The following FBXO11 variants were observed in gnomAD, a reference collection of about 807,000 sequenced individuals.
The protein encoded by FBXO11 is F-box only protein 11.
FBXO11 carries 13 observed loss-of-function variants against 117.0 expected under a neutral mutation model. That is an observed-to-expected ratio of 0.11 (90% confidence interval 0.07 to 0.18). The LOEUF (loss-of-function observed/expected upper bound fraction) is 0.18. Ranked by LOEUF, FBXO11 falls within the 10% of genes least tolerant of loss-of-function variation. FBXO11 has a pLI of 1.00. For synonymous variants in FBXO11, 490 were observed against 380.5 expected, an observed-to-expected ratio of 1.29 and a Z score of -3.35; for missense variants, 767 against 1,164.4, an observed-to-expected ratio of 0.66 and a Z score of 4.97.
At chr2:47,810,992 T>C (rs1670572153) in intron 18 of FBXO11, 1 of 152,246 alleles carries the variant, frequency 6.6e-6, no homozygotes, top group Non-Finnish European at 1.5e-5. Flanking sequence ...TCCAACCTAC[T>C]TGTTTGTCTT....
chr2:47,830,167 T>C (rs1290603797), intron 11 of FBXO11, among the ~76,000 whole-genome samples: 2 of 151,846 alleles, frequency 1.3e-5, no homozygotes, highest in South Asian at 2.1e-4. Context: ...AGCCAAAATA[T>C]GGATACTGAG....
Position 47,848,565 on chromosome 2 carries a change from A to G in FBXO11, c.233-8796T>C, listed in dbSNP as rs529343257. 4.6e-5 allele frequency among the ~76,000 whole-genome samples: 7 copies of G among 152,338 alleles called. No homozygotes were observed. In the East Asian group the frequency reaches 1.3e-3, roughly 29 times the overall value. ...GATAAAAAGTTAATACGCAATTTAA[A>G]AGTATGCTATTTGCACACACATATA... On this transcript the variant is annotated intron_variant, in intron 1 of 22. Transcript: ENST00000403359.
intron 1 of FBXO11, among the ~76,000 whole-genome samples, chr2:47,858,125 A>G (rs939437832): frequency 1.3e-5 from 2 of 151,664 alleles, no homozygotes; most frequent in Non-Finnish European, 2.9e-5. Flanking sequence ...TATTTTTTTG[A>G]GGCGGAGCCT....
intron 16 of FBXO11, among the ~76,000 whole-genome samples, chr2:47,816,687 C>A (rs1572771876): frequency 6.6e-6 from 1 of 152,286 alleles, no homozygotes; most frequent in African/African-American, 2.4e-5. Flanking sequence ...GGCGTGAAAA[C>A]AACAATCTCC....
chr2:47,868,844 C>G (rs899430325), intron 1 of FBXO11, among the ~76,000 whole-genome samples: 1 of 152,194 alleles, frequency 6.6e-6, no homozygotes, highest in African/African-American at 2.4e-5. Flanking sequence ...GTGGATTACA[C>G]TGGACCATTT....
At chr2:47,844,211 C>G (rs1673230378) in intron 1 of FBXO11, among the ~76,000 whole-genome samples, 1 of 152,148 alleles carries the variant, frequency 6.6e-6, no homozygotes, top group South Asian at 2.1e-4. Context: ...TCACACTGAT[C>G]TATTACCTCA....
intron 1 of FBXO11, among the ~76,000 whole-genome samples, chr2:47,847,235 A>G (rs574843715): frequency 6.6e-6 from 1 of 152,188 alleles, no homozygotes; most frequent in African/African-American, 2.4e-5. Context: ...ACAGAGTGAG[A>G]CTCTGTCTCA....
chr2:47,829,381 G>A (rs1034214926), intron 11 of FBXO11, among the ~76,000 whole-genome samples: 1 of 151,838 alleles, frequency 6.6e-6, no homozygotes, highest in Non-Finnish European at 1.5e-5. Flanking sequence ...GCTGGGACTT[G>A]AGGCGTGCAC....
intron 1 of FBXO11, among the ~76,000 whole-genome samples, chr2:47,896,331 T>C (rs1677661872): frequency 1.0e-5 from 1 of 96,654 alleles, no homozygotes; most frequent in Non-Finnish European, 2.7e-5. Context: ...GTTTCTTTTC[T>C]TTTTTTTTTT....
At chr2:47,811,932 A>T (rs1670643029) in intron 18 of FBXO11, among the ~76,000 whole-genome samples, 1 of 152,016 alleles carries the variant, frequency 6.6e-6, no homozygotes, top group South Asian at 2.1e-4. Context: ...AGTATCATTA[A>T]CATGTCCCAC....
intron 1 of FBXO11, among the ~76,000 whole-genome samples, chr2:47,856,795 G>A (rs1163185672): frequency 1.3e-5 from 2 of 152,198 alleles, no homozygotes; most frequent in Admixed American, 1.3e-4. Flanking sequence ...ATTATCAACT[G>A]TGATAATGAA....
At chr2:47,820,218 C>T (rs905758872) in intron 14 of FBXO11, 144 bp downstream of exon 14, 7 of 467,060 alleles carry the variant, frequency 1.5e-5, no homozygotes, top group African/African-American at 3.9e-5. Flanking sequence ...AGAAGAAGAA[C>T]GTTATTTTTG....
At chr2:47,831,035 G>A (rs558558370) in intron 11 of FBXO11, among the ~76,000 whole-genome samples, 1 of 151,940 alleles carries the variant, frequency 6.6e-6, no homozygotes, top group Admixed American at 6.5e-5. Context: ...CTGAGCCCAA[G>A]CGATCCAACT....
At chr2:47,825,194 T>C (rs868160114) in intron 11 of FBXO11, among the ~76,000 whole-genome samples, 1 of 152,182 alleles carries the variant, frequency 6.6e-6, no homozygotes, top group Non-Finnish European at 1.5e-5. Context: ...AAGAATAACA[T>C]ACAAAAGTAG....
rs200318787 is a variant in FBXO11, at chr2:47,833,114, C to A, written c.935-44G>T. 13 of 1,307,420 alleles carry A rather than the reference C, an allele frequency of 9.9e-6. No individual in the cohort carries two copies. The East Asian group carries it at 2.8e-4, about 28-fold the overall frequency. 81.0% of individuals were successfully genotyped at this position (1,307,420 alleles called of 1,614,324 possible). On this transcript the variant is annotated intron_variant, in intron 7 of 22. Coordinates refer to ENST00000403359, the MANE Select transcript of FBXO11 (RefSeq NM_001190274.2). ...AAAGAATATTACCTTTATTCGATTT[C>A]AACAGATGGGTATCTTTATGGAGGG...
chr2:47,905,255 A>C, intron 1 of FBXO11: 1 of 281,130 alleles, frequency 3.6e-6, no homozygotes, highest in Non-Finnish European at 6.3e-6. Flanking sequence ...CCGAAACCAA[A>C]CAAAGCGCGG....
intron 1 of FBXO11, among the ~76,000 whole-genome samples, chr2:47,901,129 A>ACG (rs1558488430): frequency 2.0e-5 from 2 of 100,486 alleles, no homozygotes; most frequent in African/African-American, 7.3e-5. Context: ...ACGTGTGTAC[A>ACG]TGTATATATA....
chr2:47,810,575 C>T (rs1386240774), intron 18 of FBXO11, 149 bp from the exon 19 acceptor site: 1 of 552,350 alleles, frequency 1.8e-6, no homozygotes, highest in African/African-American at 1.9e-5. Flanking sequence ...AGTTTATTAG[C>T]AATTCAGAGG....
At chr2:47,843,364 G>A (rs996209153) in intron 1 of FBXO11, among the ~76,000 whole-genome samples, 1 of 151,614 alleles carries the variant, frequency 6.6e-6, no homozygotes, top group African/African-American at 2.4e-5. Context: ...TGTTGAGGGT[G>A]GTGGTGGTTT....
Sources: allele counts gnomAD v4.1 joint callset (sites outside exome capture counted in the v4.1 genomes callset), GRCh38; gene constraint gnomAD v4.1.1; transcripts MANE v1.5; gene names NCBI Gene and HGNC (gene_info 2026-07-23, HGNC 2026-07-21).